PREP: variants seen among roughly 807,000 people sequenced by gnomAD.
PREP encodes prolyl endopeptidase.
In PREP, 29 loss-of-function variants were observed where a neutral mutation model predicts 87.6. The observed-to-expected ratio is 0.33, with a 90% confidence interval of 0.25 to 0.45. PREP has a LOEUF of 0.45. PREP is among the 20% of genes least tolerant of loss of function. The pLI is 1.00. For missense variants in PREP, 695 were observed against 886.5 expected, an observed-to-expected ratio of 0.78 and a Z score of 2.74; for synonymous variants, 337 against 328.6, an observed-to-expected ratio of 1.03 and a Z score of -0.28.
intron 6 of PREP, among the ~76,000 whole-genome samples, chr6:105,356,823 C>CA (rs1392847915): frequency 6.6e-6 from 1 of 152,104 alleles, no homozygotes; most frequent in Non-Finnish European, 1.5e-5. Context: ...TGTCCAGAAG[C>CA]AAAAATCTAT....
intron 10 of PREP, among the ~76,000 whole-genome samples, chr6:105,292,330 CAGAATGGATGTTGTGTTAGCAGGCATG>C (rs1165218473): frequency 6.6e-6 from 1 of 152,182 alleles, no homozygotes; most frequent in Non-Finnish European, 1.5e-5. Context: ...CCATGGGCTG[CAGAATGGATGTTGTGTTAGCAGGCATG>C]AAAACAACAT....
At chr6:105,294,273 C>A (rs1770361620) in intron 10 of PREP, among the ~76,000 whole-genome samples, 1 of 152,194 alleles carries the variant, frequency 6.6e-6, no homozygotes, top group South Asian at 2.1e-4. Context: ...TAATACATAT[C>A]CTACATACTC....
chr6:105,397,885 A>C lies in PREP; in HGVS notation c.88T>G (p.Trp30Gly). 1 of 1,613,042 alleles carries C rather than the reference A, an allele frequency of 6.2e-7. No individual in the cohort carries two copies. The highest frequency in any genetic ancestry group is 8.5e-7 in the Non-Finnish European group (1 of 1,178,954). Reference sequence around the variant, plus strand: ...TGTTCACTGTCGGGGTCTTCAAGCCAGGCGTAAGGGTCACAAATTTTATGA... The same window carrying C: ...TGTTCACTGTCGGGGTCTTCAAGCCCGGCGTAAGGGTCACAAATTTTATGA... ...HGHKICDPYA[W>G]LEDPDSEQTK... Residue 30 changes from tryptophan to glycine, a missense_variant, in exon 2 of 15, where the codon TGG becomes GGG. By Grantham distance (184) the Trp-to-Gly change is radical (BLOSUM62 -2). Around this residue, in one of 5 missense-constraint regions of PREP, gnomAD observed 517 missense variants for 620.3 expected, o/e 0.83. Transcript: ENST00000652536.
Position 105,274,847 on chromosome 6 carries a change from A to G in PREP, c.*3297T>C, listed in dbSNP as rs995809558. On this transcript the variant is annotated 3_prime_UTR_variant, in exon 15 of 15. Coordinates refer to ENST00000652536, the MANE Select transcript of PREP (RefSeq NM_002726.5). Reference sequence around the variant, plus strand: ...CCCACCTCCTGGCTGGGGAACTTGGACCTTTGCCAAATGGGGAAAAGGTAT... The same window carrying G: ...CCCACCTCCTGGCTGGGGAACTTGGGCCTTTGCCAAATGGGGAAAAGGTAT... Among the ~76,000 whole-genome samples the G allele has an allele frequency of 6.6e-6, 1 of 152,018 alleles. No individual in the cohort carries two copies. Among genetic ancestry groups the G allele is most frequent in the African/African-American group, 2.4e-5 (1 of 41,386 alleles).
In PREP at chr6:105,334,828, G is replaced by A. The variant is rs1393125227; in HGVS notation, c.824-1323C>T. 3.9e-5 allele frequency among the ~76,000 whole-genome samples: 6 copies of A among 152,240 alleles called. No individual in the cohort carries two copies. The East Asian group carries it at 1.2e-3, about 29-fold the overall frequency. The stretch of plus-strand genomic sequence containing the variant: ...GTTCACTGCAACCTCCAACTCCTGG[G>A]CCCCTAAGATCCTCCCTGCCTTAGC... On this transcript the variant is annotated intron_variant, in intron 7 of 14. Coordinates refer to ENST00000652536, the MANE Select transcript of PREP (RefSeq NM_002726.5).
chr6:105,323,848 A>G (rs1771081430), intron 9 of PREP, 80 bp from the exon 10 acceptor site: 2 of 1,145,120 alleles, frequency 1.7e-6, no homozygotes, highest in Admixed American at 1.7e-5. Flanking sequence ...ACCACAACCA[A>G]ATGCCAGCAA....
chr6:105,344,979 G>A (rs756181102), intron 7 of PREP, among the ~76,000 whole-genome samples: 2 of 152,322 alleles, frequency 1.3e-5, no homozygotes, highest in South Asian at 4.1e-4. Context: ...TAAGGAATGT[G>A]GCTGGATTCA....
At chr6:105,314,611 A>T (rs1770823371) in intron 10 of PREP, among the ~76,000 whole-genome samples, 1 of 152,206 alleles carries the variant, frequency 6.6e-6, no homozygotes. Context: ...GCAGCAATTC[A>T]GTCACATCTT....
chr6:105,331,267 A>C (rs1771326317), intron 8 of PREP, among the ~76,000 whole-genome samples: 1 of 152,212 alleles, frequency 6.6e-6, no homozygotes, highest in Admixed American at 6.5e-5. Flanking sequence ...TTCCAGTCTG[A>C]AAATCTTATA....
Position 105,345,047 on chromosome 6 carries a change from G to A in PREP, c.823+7925C>T, listed in dbSNP as rs1349217346. 5.3e-5 allele frequency among the ~76,000 whole-genome samples: 8 copies of A among 152,310 alleles called. No homozygotes were observed. The South Asian group carries it at 1.0e-3, about 20-fold the overall frequency. On this transcript the variant is annotated intron_variant, in intron 7 of 14. Coordinates refer to ENST00000652536, the MANE Select transcript of PREP (RefSeq NM_002726.5). ...CCAAAGTATAGGCCCTCACAGGGCC[G>A]GATGTTTTAAATGAGAGCTCTTGAA...
At position 105,275,022 on chromosome 6, in the gene PREP, C is replaced by T. The variant is rs948087610; in HGVS notation, c.*3122G>A. Among the ~76,000 whole-genome samples the T allele has an allele frequency of 6.6e-6, 1 of 151,908 alleles. No homozygotes were observed. The highest frequency in any genetic ancestry group is 1.5e-5 in the Non-Finnish European group (1 of 68,044). ...ATGAGGGCAGGACATTTTCTCTCTGCACCTTCAGCCCCTGAGATATGGAGG... is the reference window on the plus strand; with the variant it reads ...ATGAGGGCAGGACATTTTCTCTCTGTACCTTCAGCCCCTGAGATATGGAGG... On this transcript the variant is annotated 3_prime_UTR_variant, in exon 15 of 15. Coordinates refer to ENST00000652536, the MANE Select transcript of PREP (RefSeq NM_002726.5).
chr6:105,400,435 C>T (rs1169278796), intron 1 of PREP, among the ~76,000 whole-genome samples: 1 of 152,142 alleles, frequency 6.6e-6, no homozygotes, highest in African/African-American at 2.4e-5. Flanking sequence ...TCAGAATCGC[C>T]TTCTTGCCAC....
At chr6:105,395,844 A>G (rs9480554) in intron 2 of PREP, among the ~76,000 whole-genome samples, 46,610 of 152,154 alleles carry the variant, frequency 0.31, 9,478 homozygotes, top group African/African-American at 0.59. Context: ...AGGTCCTTAG[A>G]GACAGTTTTC....
At chr6:105,281,185 GT>G (rs1182859925) in intron 14 of PREP, 1 of 152,390 alleles carries the variant, frequency 6.6e-6, no homozygotes, top group Non-Finnish European at 1.5e-5. Context: ...GTCTCGGGAT[GT>G]TGGCAGAATT....
intron 7 of PREP, among the ~76,000 whole-genome samples, chr6:105,351,513 G>T (rs915151432): frequency 2.0e-5 from 3 of 152,118 alleles, no homozygotes; most frequent in African/African-American, 7.2e-5. Context: ...CCGAGAGGTT[G>T]GGGGAAAACA....
chr6:105,399,708 A>G (rs1773375594), intron 1 of PREP, among the ~76,000 whole-genome samples: 1 of 152,228 alleles, frequency 6.6e-6, no homozygotes, highest in South Asian at 2.1e-4. Flanking sequence ...AAATAGGCTT[A>G]AAATAACAAT....
intron 6 of PREP, among the ~76,000 whole-genome samples, chr6:105,361,428 T>C (rs896633262): frequency 8.5e-5 from 13 of 152,160 alleles, no homozygotes; most frequent in African/African-American, 3.1e-4. Context: ...CCATGAAATT[T>C]CTTTAGTATA....
chr6:105,298,491 G>A (rs974770532), intron 10 of PREP: 2 of 153,318 alleles, frequency 1.3e-5, no homozygotes, highest in Non-Finnish European at 2.9e-5. Flanking sequence ...CCCCACTGGA[G>A]ACCACCTGTC....
chr6:105,288,247 G>T (rs1770227913), intron 11 of PREP, among the ~76,000 whole-genome samples: 1 of 152,156 alleles, frequency 6.6e-6, no homozygotes, highest in Admixed American at 6.5e-5. Context: ...GACATTTTTG[G>T]TTGTTTTTCA....
Sources: gnomAD v4.1 joint callset for allele counts (sites outside exome capture counted in the v4.1 genomes callset) on GRCh38, gnomAD v4.1.1 for gene constraint, gnomAD v4.1.1 regional missense constraint, MANE v1.5 for transcripts, NCBI Gene and HGNC (gene_info 2026-07-23, HGNC 2026-07-21) for gene names.